MNS1: variants seen among roughly 807,000 people sequenced by gnomAD.
The protein encoded by MNS1 is meiosis-specific nuclear structural protein 1.
MNS1 carries 63 observed loss-of-function variants against 72.0 expected under a neutral mutation model. The observed-to-expected ratio is 0.87, with a 90% CI of 0.71 to 1.08. The LOEUF (loss-of-function observed/expected upper bound fraction) is 1.08. Among genes scored for constraint, MNS1 ranks in the 50% least tolerant of loss-of-function variants. The pLI is 0.00. For missense variants in MNS1, 604 were observed against 562.4 expected (o/e 1.07, Z -0.75); for synonymous variants, 188 against 172.1 (o/e 1.09, Z -0.72).
chr15:56,443,538 C>T lies in MNS1; in HGVS notation c.904-1G>A, dbSNP rs1466640355. ...GCATTTCTTCTAATTTCTGTGTCAA[C>T]TATTAAATTTTTTAAAAAACATAAA... On this transcript the variant is annotated splice_acceptor_variant, in intron 6 of 9. Coordinates refer to ENST00000260453, the MANE Select transcript of MNS1 (RefSeq NM_018365.4). LOFTEE classifies it high-confidence loss of function. The T allele has an allele frequency of 2.5e-6, 4 of 1,581,964 alleles. No homozygotes were observed. In the Admixed American group the frequency reaches 5.8e-5, roughly 23 times the overall value.
chr15:56,435,033 T>C (rs1256971649), intron 7 of MNS1, among the ~76,000 whole-genome samples: 1 of 152,078 alleles, frequency 6.6e-6, no homozygotes, highest in Non-Finnish European at 1.5e-5. Flanking sequence ...AATTTTACAA[T>C]GGTCACTCAC....
chr15:56,445,964 C>T (rs781359127), intron 4 of MNS1: 1 of 152,064 alleles, frequency 6.6e-6, no homozygotes, highest in Non-Finnish European at 1.5e-5. Context: ...TTCTTATCAC[C>T]TGCCACACCT....
chr15:56,463,737 G>A, intron 2 of MNS1: 2 of 284,612 alleles, frequency 7.0e-6, no homozygotes, highest in Non-Finnish European at 1.3e-5. Flanking sequence ...AGCCAAGATC[G>A]TGCCACTGCA....
intron 7 of MNS1, among the ~76,000 whole-genome samples, chr15:56,438,861 A>T (rs2050772737): frequency 6.6e-6 from 1 of 152,214 alleles, no homozygotes; most frequent in African/African-American, 2.4e-5. Context: ...AAAAGAAGAC[A>T]TTTATGCAGC....
At chr15:56,433,565 A>G (rs750912961) in intron 8 of MNS1, among the ~76,000 whole-genome samples, 18 of 152,058 alleles carry the variant, frequency 1.2e-4, no homozygotes, top group Non-Finnish European at 2.2e-4. Context: ...TCCCTTATCT[A>G]TTTGCATGGG....
At chr15:56,430,906 C>T (rs1034460406) in intron 9 of MNS1, among the ~76,000 whole-genome samples, 1 of 152,056 alleles carries the variant, frequency 6.6e-6, no homozygotes, top group East Asian at 1.9e-4. Flanking sequence ...TGTGGTGGCC[C>T]ACCCAGCACT....
intron 3 of MNS1, among the ~76,000 whole-genome samples, chr15:56,456,089 A>G (rs1446686419): frequency 2.0e-5 from 3 of 152,142 alleles, no homozygotes; most frequent in Admixed American, 6.6e-5. Flanking sequence ...TAAACTAGTT[A>G]TTACCTAAGG....
intron 3 of MNS1, among the ~76,000 whole-genome samples, chr15:56,455,518 C>T (rs540896869): frequency 8.5e-5 from 13 of 152,122 alleles, no homozygotes; most frequent in Admixed American, 2.6e-4. Flanking sequence ...CTACAGACGT[C>T]CTGCTCAATT....
At chr15:56,452,592 C>A (rs1469253726) in intron 3 of MNS1, among the ~76,000 whole-genome samples, 2 of 150,996 alleles carry the variant, frequency 1.3e-5, no homozygotes, top group African/African-American at 4.9e-5. Flanking sequence ...GATCTTGGCT[C>A]ACTGCAAGCT....
At chr15:56,460,173 G>T (rs1032640162) in intron 2 of MNS1, among the ~76,000 whole-genome samples, 2 of 150,674 alleles carry the variant, frequency 1.3e-5, no homozygotes, top group Non-Finnish European at 3.0e-5. Flanking sequence ...GCTTAACAGG[G>T]TTGCAACATT....
At chr15:56,447,057 A>G in intron 3 of MNS1, 114 bp from the exon 4 acceptor site, 1 of 678,098 alleles carries the variant, frequency 1.5e-6, no homozygotes, top group South Asian at 1.9e-5. Context: ...TACAGCGGGT[A>G]TTATTTTAGA....
intron 2 of MNS1, among the ~76,000 whole-genome samples, chr15:56,462,364 T>C (rs1054010881): frequency 6.6e-6 from 1 of 152,172 alleles, no homozygotes; most frequent in African/African-American, 2.4e-5. Flanking sequence ...CTGGCATCAC[T>C]AAAAGTGGAA....
Position 56,444,668 on chromosome 15 carries a change from A to C in MNS1, c.462T>G (p.Arg154=). The C allele has an allele frequency of 6.2e-7, 1 of 1,609,912 alleles. No homozygotes were observed. The highest frequency in any genetic ancestry group is 8.5e-7 in the Non-Finnish European group (1 of 1,178,484). Residue 154 remains arginine, a synonymous_variant, in exon 5 of 10, where the codon CGT becomes CGG. Transcript: ENST00000260453. The stretch of plus-strand genomic sequence containing the variant: ...TCATGGTTTTGGCTATTTCAGCATC[A>C]CGTTTCTGTTATTAAAACAAAATTG... ...KDAIKYEQMK[R]DAEIAKTMME...
chr15:56,462,765 A>C (rs76750327), intron 2 of MNS1, among the ~76,000 whole-genome samples: 1 of 152,354 alleles, frequency 6.6e-6, no homozygotes, highest in East Asian at 1.9e-4. Flanking sequence ...ACAATCACAG[A>C]AATGTGTTTA....
At position 56,446,217 on chromosome 15, in the gene MNS1, T is replaced by G. The variant is rs2050901259; in HGVS notation, c.456+624A>C. On this transcript the variant is annotated intron_variant, in intron 4 of 9. Coordinates refer to ENST00000260453, the MANE Select transcript of MNS1 (RefSeq NM_018365.4). The stretch of plus-strand genomic sequence containing the variant: ...TGTGTATATAAACATTCATATATAA[T>G]TGGCCCTTCTGTTTGATAATGAGAG... 3.9e-5 allele frequency among the ~76,000 whole-genome samples: 6 copies of G among 152,036 alleles called. No individual in the cohort carries two copies. In the South Asian group the frequency reaches 1.2e-3, roughly 31 times the overall value.
At chr15:56,456,720 TAAG>T (rs1181208739) in intron 2 of MNS1, among the ~76,000 whole-genome samples, 199 bp from the exon 3 acceptor site, 3 of 152,166 alleles carry the variant, frequency 2.0e-5, no homozygotes, top group Non-Finnish European at 4.4e-5. Context: ...TTGCCAATAG[TAAG>T]AAGAATATTT....
intron 1 of MNS1, 133 bp downstream of exon 1, chr15:56,464,837 C>G (rs1427545343): frequency 8.2e-6 from 11 of 1,343,258 alleles, no homozygotes; most frequent in Non-Finnish European, 1.0e-5. Flanking sequence ...CCTGAAGCCT[C>G]CGAAAGCAAA....
At chr15:56,445,782 T>A (rs1039515073) in intron 4 of MNS1, 3 of 152,022 alleles carry the variant, frequency 2.0e-5, no homozygotes, top group African/African-American at 4.8e-5. Flanking sequence ...ATTTGGAAAA[T>A]AGCAGCAATT....
chr15:56,453,365 G>A (rs1189171865), intron 3 of MNS1, among the ~76,000 whole-genome samples: 3 of 152,040 alleles, frequency 2.0e-5, no homozygotes, highest in Non-Finnish European at 4.4e-5. Context: ...GATTATTGGT[G>A]ATCAATCTTC....
Sources: allele counts gnomAD v4.1 joint callset (sites outside exome capture counted in the v4.1 genomes callset), GRCh38; gene constraint gnomAD v4.1.1; transcripts MANE v1.5; gene names NCBI Gene and HGNC (gene_info 2026-07-23, HGNC 2026-07-21).